Variants in SVOP observed in about 807,000 individuals in gnomAD.
SVOP encodes the protein synaptic vesicle 2-related protein.
Under a neutral mutation model 69.1 loss-of-function variants are expected in SVOP, and 17 were observed. The observed-to-expected ratio is 0.25, with a 90% CI of 0.17 to 0.37. The LOEUF (loss-of-function observed/expected upper bound fraction) is 0.37. Among genes scored for constraint, SVOP ranks in the 10% least tolerant of loss-of-function variants. The probability of loss-of-function intolerance (pLI) is 1.00; values close to 1 mark genes in which losing one functional copy is unlikely to be tolerated. For synonymous variants in SVOP, 238 were observed against 238.6 expected (o/e 1.00, Z 0.02); for missense variants, 435 against 597.5 (o/e 0.73, Z 2.84).
At chr12:108,928,291 G>A (rs145788140) in intron 11 of SVOP, among the ~76,000 whole-genome samples, 2 of 150,638 alleles carry the variant, frequency 1.3e-5, no homozygotes, top group East Asian at 3.9e-4. Flanking sequence ...CCTCACCCTT[G>A]GGCTCTGTCT....
At chr12:108,959,994 C>T (rs2040008249) in intron 6 of SVOP, among the ~76,000 whole-genome samples, 1 of 152,112 alleles carries the variant, frequency 6.6e-6, no homozygotes, top group Admixed American at 6.6e-5. Context: ...AATTTACCTT[C>T]TAGGGAAAAT....
Position 108,918,132 on chromosome 12 carries a change from G to A in SVOP, c.1269-8C>T, listed in dbSNP as rs978220597. On this transcript the variant is annotated splice_polypyrimidine_tract_variant and splice_region_variant and intron_variant, in intron 13 of 15. Transcript: ENST00000610966. The stretch of plus-strand genomic sequence containing the variant: ...AACAGAGTGAGCACATTTCTAGGAG[G>A]AGGATAAAGGCAGATGATGGCATTT... The A allele has an allele frequency of 3.2e-6, 5 of 1,555,128 alleles. No homozygotes were observed. Among genetic ancestry groups the A allele is most frequent in the Middle Eastern group, 1.7e-4 (1 of 5,992 alleles).
Position 108,934,184 on chromosome 12 carries a change from A to G in SVOP, c.1048+11T>C. 1.3e-6 allele frequency: 2 copies of G among 1,595,226 alleles called. No homozygotes were observed. Among genetic ancestry groups the G allele is most frequent in the Non-Finnish European group, 1.7e-6 (2 of 1,170,742 alleles). ...GAGTAGTTAGCTGGCAAAGACAACC[A>G]AGATACTCACTGCCGCAGACATCTC... is the stretch of plus-strand genomic sequence containing the variant. On this transcript the variant is annotated intron_variant, in intron 11 of 15. Coordinates refer to ENST00000610966, the MANE Select transcript of SVOP (RefSeq NM_018711.5).
chr12:108,939,271 C>G (rs926922410), intron 8 of SVOP, among the ~76,000 whole-genome samples: 1 of 152,118 alleles, frequency 6.6e-6, no homozygotes, highest in African/African-American at 2.4e-5. Flanking sequence ...TGGGTTAATG[C>G]AGTTATTATT....
chr12:108,924,192 C>T (rs1593178186), intron 11 of SVOP, among the ~76,000 whole-genome samples: 1 of 152,170 alleles, frequency 6.6e-6, no homozygotes, highest in Non-Finnish European at 1.5e-5. Flanking sequence ...AGAGAGCTCT[C>T]CCCAGACACT....
Position 108,912,763 on chromosome 12 carries a change from C to T in SVOP, c.1441-22G>A, listed in dbSNP as rs930963318. 8 of 1,607,562 alleles carry T rather than the reference C, an allele frequency of 5.0e-6. No individual in the cohort carries two copies. The Admixed American group carries it at 5.1e-5, about 10-fold the overall frequency. Reference sequence around the variant, plus strand: ...TCACCTAGGGGAAGGAGACACGGGTCGGTGAAAGCATCCCTTCTGAAGCAC... The same window carrying T: ...TCACCTAGGGGAAGGAGACACGGGTTGGTGAAAGCATCCCTTCTGAAGCAC... On this transcript the variant is annotated intron_variant, in intron 15 of 15. Transcript: ENST00000610966.
intron 5 of SVOP, among the ~76,000 whole-genome samples, chr12:108,963,788 T>C (rs2040030285): frequency 6.6e-6 from 1 of 152,196 alleles, no homozygotes. Flanking sequence ...ATTACAGGCA[T>C]GAGCCACCAC....
chr12:108,916,228 A>T (rs2039712873), intron 14 of SVOP, among the ~76,000 whole-genome samples: 2 of 152,220 alleles, frequency 1.3e-5, no homozygotes, highest in African/African-American at 4.8e-5. Context: ...CAGGTTTTCA[A>T]GGGACTTCAT....
chr12:108,917,918 T>G, intron 14 of SVOP, 125 bp downstream of exon 14: 1 of 713,026 alleles, frequency 1.4e-6, no homozygotes, highest in Non-Finnish European at 2.2e-6. Flanking sequence ...AGTGTTGGGA[T>G]TATAGGCATG....
At chr12:109,003,608 TTTTA>T (rs2040287158) in intron 1 of SVOP, among the ~76,000 whole-genome samples, 1 of 152,116 alleles carries the variant, frequency 6.6e-6, no homozygotes, top group African/African-American at 2.4e-5. Context: ...CTCCCTGCAG[TTTTA>T]TTTATTTATT....
intron 6 of SVOP, among the ~76,000 whole-genome samples, chr12:108,949,355 C>T (rs779918081): frequency 6.6e-6 from 1 of 152,098 alleles, no homozygotes; most frequent in Non-Finnish European, 1.5e-5. Context: ...ACTGCAACCT[C>T]TGCCTCCCAG....
chr12:109,015,191 C>G (rs950961822), intron 1 of SVOP, among the ~76,000 whole-genome samples: 2 of 152,108 alleles, frequency 1.3e-5, no homozygotes, highest in African/African-American at 2.4e-5. Context: ...GATCCTGAGG[C>G]AGGAGCCTGG....
chr12:108,960,732 T>C (rs1275486449), intron 6 of SVOP, among the ~76,000 whole-genome samples, 191 bp downstream of exon 6: 1 of 152,190 alleles, frequency 6.6e-6, no homozygotes, highest in Admixed American at 6.5e-5. Context: ...TTGCTGCTGT[T>C]GTTGATCATA....
chr12:108,987,369 T>C (rs1257355170), intron 1 of SVOP, among the ~76,000 whole-genome samples: 1 of 152,210 alleles, frequency 6.6e-6, no homozygotes, highest in African/African-American at 2.4e-5. Context: ...GTTGTTTCCA[T>C]GTTTTGGTTA....
At chr12:108,945,262 G>C in intron 6 of SVOP, 96 bp from the exon 7 acceptor site, 1 of 1,213,016 alleles carries the variant, frequency 8.2e-7, no homozygotes, top group Non-Finnish European at 1.2e-6. Context: ...TTCCTCCAAG[G>C]GTGGTCAGTG....
intron 6 of SVOP, among the ~76,000 whole-genome samples, chr12:108,955,678 T>A (rs2039981446): frequency 6.6e-6 from 1 of 152,186 alleles, no homozygotes; most frequent in Non-Finnish European, 1.5e-5. Context: ...CTATCTACAG[T>A]GATACCTTGA....
chr12:108,973,617 T>G lies in SVOP; in HGVS notation c.382-1141A>C, dbSNP rs541964373. ...TCTCACTTCGTTGTCCAGGTTGGTC[T>G]CTAACTCCTTGCTTCAAGGGATCCT... On this transcript the variant is annotated intron_variant, in intron 4 of 15. Coordinates refer to ENST00000610966, the MANE Select transcript of SVOP (RefSeq NM_018711.5). Among the ~76,000 whole-genome samples the G allele has an allele frequency of 3.2e-4, 49 of 152,304 alleles. No homozygotes were observed. The East Asian group carries it at 8.1e-3, about 25-fold the overall frequency.
At chr12:108,999,419 C>T (rs1432801155) in intron 1 of SVOP, among the ~76,000 whole-genome samples, 16 of 147,938 alleles carry the variant, frequency 1.1e-4, no homozygotes, top group African/African-American at 3.9e-4. Flanking sequence ...AGAAAGTCAA[C>T]AAGGATACCC....
chr12:108,932,246 G>A (rs1405733679), intron 11 of SVOP, among the ~76,000 whole-genome samples: 5 of 151,980 alleles, frequency 3.3e-5, no homozygotes, highest in Admixed American at 2.6e-4. Context: ...TGAACTCCTG[G>A]CCTCAAGTGA....
Sources: gnomAD v4.1 joint callset for allele counts (sites outside exome capture counted in the v4.1 genomes callset) on GRCh38, gnomAD v4.1.1 for gene constraint, MANE v1.5 for transcripts, NCBI Gene and HGNC (gene_info 2026-07-23, HGNC 2026-07-21) for gene names.